RABEP2: variants seen among roughly 807,000 people sequenced by gnomAD.
The protein encoded by RABEP2 is rab GTPase-binding effector protein 2.
A neutral mutation model predicts 74.1 loss-of-function variants in RABEP2; 57 were observed. The ratio of observed to expected loss-of-function variants is 0.77; its 90% CI spans 0.62 to 0.96. RABEP2 has a LOEUF of 0.96. RABEP2 is among the 40% of genes least tolerant of loss of function. The probability of loss-of-function intolerance (pLI) is 0.00; values close to 1 mark genes in which losing one functional copy is unlikely to be tolerated. For missense variants in RABEP2, 692 were observed against 756.3 expected (o/e 0.91, Z 1.00); for synonymous variants, 351 against 344.0 (o/e 1.02, Z -0.23).
intron 2 of RABEP2, among the ~76,000 whole-genome samples, chr16:28,920,347 G>C (rs1021722870): frequency 6.7e-6 from 1 of 149,144 alleles, no homozygotes; most frequent in South Asian, 2.1e-4. Flanking sequence ...TTTAAGAACG[G>C]TAAGAATTTT....
Position 28,904,567 on chromosome 16 carries a change from C to T in RABEP2, c.*376G>A. 7.3e-7 allele frequency: 1 copy of T among 1,372,982 alleles called. No individual in the cohort carries two copies. Among genetic ancestry groups the T allele is most frequent in the Non-Finnish European group, 9.7e-7 (1 of 1,036,022 alleles). The allele number at this position is 1,372,982 out of a possible 1,614,324, so 85.0% of individuals were successfully genotyped here. ...GCAGCTGCCTGTCCCAGGGCCGGGG[C>T]CCACCTCACTGCCTCTGATGGGGAC... On this transcript the variant is annotated 3_prime_UTR_variant, in exon 13 of 13. Coordinates refer to ENST00000358201, the MANE Select transcript of RABEP2 (RefSeq NM_024816.3).
At chr16:28,910,670 A>G (rs1964299115) in intron 7 of RABEP2, 2 of 520,822 alleles carry the variant, frequency 3.8e-6, no homozygotes, top group East Asian at 6.4e-5. Context: ...GGATTAGCTC[A>G]AGATCAAACA....
In RABEP2 at chr16:28,904,983, T is replaced by G; in HGVS notation, c.1670A>C (p.Glu557Ala). 1 of 1,612,652 alleles carries G rather than the reference T, an allele frequency of 6.2e-7. No homozygotes were observed. The highest frequency in any genetic ancestry group is 8.5e-7 in the Non-Finnish European group (1 of 1,179,712). The change falls in exon 13 of 13, where the codon GAG becomes GCG. Residue 557 changes from glutamate (E) to alanine (A), a missense_variant. Coordinates refer to ENST00000358201, the MANE Select transcript of RABEP2 (RefSeq NM_024816.3). Reference protein sequence around the residue: ...TLEQVRSIMDEAPLTDVRDIK... With the variant: ...TLEQVRSIMDAAPLTDVRDIK... ...GTCCCTGACGTCCGTGAGTGGCGCC[T>G]CATCCATGATGCTGCGCACTTGCTC...
intron 12 of RABEP2, 135 bp from the exon 13 acceptor site, chr16:28,905,179 C>T (rs1964205810): frequency 1.4e-6 from 1 of 728,418 alleles, no homozygotes; most frequent in South Asian, 1.8e-5. Context: ...GCCACAAATG[C>T]CCTGAGCGTC....
At chr16:28,908,237 GGC>G (rs1964262830) in intron 8 of RABEP2, among the ~76,000 whole-genome samples, 1 of 137,842 alleles carries the variant, frequency 7.3e-6, no homozygotes, top group Non-Finnish European at 1.5e-5. Context: ...CATCGCGCCT[GGC>G]TAATAAGCCA....
intron 5 of RABEP2, among the ~76,000 whole-genome samples, chr16:28,912,974 GACAC>G (rs1746138291): frequency 6.6e-6 from 1 of 150,820 alleles, no homozygotes; most frequent in African/African-American, 2.4e-5. Flanking sequence ...TTTTTTTTGA[GACAC>G]AGTTTCTCTC....
At chr16:28,921,193 G>A (rs1376658649) in intron 2 of RABEP2, 2 of 455,760 alleles carry the variant, frequency 4.4e-6, no homozygotes, top group Non-Finnish European at 8.8e-6. Context: ...ATTTACGCTG[G>A]ATCAGACTCT....
At chr16:28,920,706 T>G (rs1964459260) in intron 2 of RABEP2, among the ~76,000 whole-genome samples, 2 of 151,868 alleles carry the variant, frequency 1.3e-5, no homozygotes, top group Non-Finnish European at 2.9e-5. Flanking sequence ...GTTTGTTTAA[T>G]TTTACTTTAA....
intron 12 of RABEP2, 44 bp downstream of exon 12, chr16:28,905,353 C>T (rs764535568): frequency 5.5e-6 from 8 of 1,444,534 alleles, no homozygotes; most frequent in African/African-American, 2.8e-5. Flanking sequence ...AGAGGTCACC[C>T]GGAGTGGAGC....
chr16:28,918,061 G>GTTTTTT lies in RABEP2; in HGVS notation c.432+1719_432+1724dup, dbSNP rs398029150. 9.7e-5 allele frequency: 9 copies of GTTTTTT among 93,208 alleles called. 2 individuals are homozygous for GTTTTTT. The highest frequency in any genetic ancestry group is 1.8e-4 in the African/African-American group (4 of 22,840). 5.8% of individuals were successfully genotyped at this position (93,208 alleles called of 1,614,324 possible). On this transcript the variant is annotated intron_variant, in intron 3 of 12. Coordinates refer to ENST00000358201, the MANE Select transcript of RABEP2 (RefSeq NM_024816.3). ...TAATAAATATGTGCTTCCTATAATT[G>GTTTTTT]TTTTTTTTTTTTTTTTTTTTTTTTT...
chr16:28,920,908 G>A (rs1964461422), intron 2 of RABEP2, among the ~76,000 whole-genome samples: 1 of 150,498 alleles, frequency 6.6e-6, no homozygotes, highest in Admixed American at 6.7e-5. Flanking sequence ...CTGTTGCCCA[G>A]GCTGAAGTGC....
chr16:28,910,180 G>A (rs568606727), intron 7 of RABEP2: 1 of 152,032 alleles, frequency 6.6e-6, no homozygotes, highest in Non-Finnish European at 1.5e-5. Flanking sequence ...CCTTGCAGGG[G>A]CCTCTGGTTC....
At chr16:28,910,763 G>C in intron 7 of RABEP2, 125 bp downstream of exon 7, 5 of 835,040 alleles carry the variant, frequency 6.0e-6, no homozygotes, top group Non-Finnish European at 9.4e-6. Flanking sequence ...ACCGGTTCCA[G>C]GGTGTGGCCT....
In RABEP2 at chr16:28,914,258, T is replaced by C. The variant is rs770945110; in HGVS notation, c.872A>G (p.Gln291Arg). The C allele has an allele frequency of 1.2e-5, 20 of 1,607,166 alleles. No homozygotes were observed. Among genetic ancestry groups the C allele is most frequent in the Non-Finnish European group, 1.7e-5 (20 of 1,177,488 alleles). The change falls in exon 5 of 13, where the codon CAG becomes CGG. Residue 291 changes from glutamine to arginine, a missense_variant. Gln to Arg is a conservative substitution (Grantham distance 43, BLOSUM62 1). Coordinates refer to ENST00000358201, the MANE Select transcript of RABEP2 (RefSeq NM_024816.3). Reference sequence around the variant, plus strand: ...CACCTCTGTCTGCAGCTGCTCCCACTGAGTGTCTGGGACGAGCTGGTAGCC... The same window carrying C: ...CACCTCTGTCTGCAGCTGCTCCCACCGAGTGTCTGGGACGAGCTGGTAGCC... The part of the protein sequence containing the change: ...PPGYQLVPDT[Q>R]WEQLQTEGRQ...
chr16:28,916,946 A>G (rs545894588), intron 3 of RABEP2, among the ~76,000 whole-genome samples: 163 of 147,858 alleles, frequency 1.1e-3, no homozygotes, highest in Middle Eastern at 7.2e-3. Context: ...CTGAGATGGC[A>G]CCACTGCACT....
chr16:28,923,096 C>T (rs1356993763), intron 2 of RABEP2, among the ~76,000 whole-genome samples: 1 of 152,058 alleles, frequency 6.6e-6, no homozygotes, highest in African/African-American at 2.4e-5. Flanking sequence ...CAGTGCCTGG[C>T]ACATAGTGAG....
At position 28,911,135 on chromosome 16, in the gene RABEP2, C is replaced by T. The variant is rs1964306971; in HGVS notation, c.939G>A (p.Arg313=). 7 of 1,612,660 alleles carry T rather than the reference C, an allele frequency of 4.3e-6. No individual in the cohort carries two copies. Among genetic ancestry groups the T allele is most frequent in the Non-Finnish European group, 5.1e-6 (6 of 1,180,024 alleles). ...GTCTCAGGCCCTCTTGGAGCTCGTC[C>T]CGCTCGCGACTGACGCTCTCCAGGT... The part of the protein sequence containing the change: ...QKDLESVSRE[R]DELQEGLRRS... Residue 313 remains arginine (R), a synonymous_variant, in exon 6 of 13, where the codon CGG becomes CGA. Coordinates refer to ENST00000358201, the MANE Select transcript of RABEP2 (RefSeq NM_024816.3).
At chr16:28,916,095 ATCTGCTCGCCTCGGCC>A (rs1964389110) in intron 3 of RABEP2, 1 of 150,244 alleles carries the variant, frequency 6.7e-6, no homozygotes, top group Admixed American at 6.7e-5. Context: ...GCCTCAAATG[ATCTGCTCGCCTCGGCC>A]TCCCAAAGTG....
chr16:28,920,146 A>C (rs888077116), intron 2 of RABEP2, among the ~76,000 whole-genome samples: 12 of 152,204 alleles, frequency 7.9e-5, no homozygotes, highest in African/African-American at 2.9e-4. Context: ...AAATGGGGAC[A>C]CTACTGATCA....
Sources: allele counts gnomAD v4.1 joint callset (sites outside exome capture counted in the v4.1 genomes callset), GRCh38; gene constraint gnomAD v4.1.1; transcripts MANE v1.5; gene names NCBI Gene and HGNC (gene_info 2026-07-23, HGNC 2026-07-21).